The following FSTL5 variants were observed in gnomAD, a reference collection of about 807,000 sequenced individuals.
The protein encoded by FSTL5 is follistatin-related protein 5.
In FSTL5, 62 loss-of-function variants were observed where a neutral mutation model predicts 89.1. The ratio of observed to expected loss-of-function variants is 0.70; its 90% CI spans 0.57 to 0.86. The LOEUF (loss-of-function observed/expected upper bound fraction) is 0.86. Ranked by LOEUF, FSTL5 falls within the 40% of genes least tolerant of loss-of-function variation. The pLI, the probability that FSTL5 is intolerant of heterozygous loss-of-function variation, is 0.00. For missense variants in FSTL5, 1,057 were observed against 1,001.6 expected (o/e 1.06, Z -0.75); for synonymous variants, 383 against 346.2 (o/e 1.11, Z -1.18).
At chr4:161,441,070 C>T (rs1732745138) in intron 15 of FSTL5, among the ~76,000 whole-genome samples, 1 of 152,056 alleles carries the variant, frequency 6.6e-6, no homozygotes. Flanking sequence ...AGAAACCTTC[C>T]ATATCATCTT....
At chr4:162,136,919 A>C (rs1732542048) in intron 1 of FSTL5, among the ~76,000 whole-genome samples, 1 of 152,106 alleles carries the variant, frequency 6.6e-6, no homozygotes. Context: ...TATTTAACAA[A>C]AATTTCTATT....
chr4:161,995,162 G>A (rs909951619), intron 3 of FSTL5, among the ~76,000 whole-genome samples: 1 of 152,044 alleles, frequency 6.6e-6, no homozygotes, highest in Non-Finnish European at 1.5e-5. Context: ...AGTTTATGGA[G>A]GGGAATGAAA....
chr4:161,502,641 C>T (rs1730336436), intron 11 of FSTL5, among the ~76,000 whole-genome samples: 1 of 151,810 alleles, frequency 6.6e-6, no homozygotes, highest in African/African-American at 2.4e-5. Context: ...TGCGAGTCCT[C>T]CTCATTCATA....
chr4:161,985,248 T>TA (rs1560953030), intron 3 of FSTL5, among the ~76,000 whole-genome samples: 1 of 152,070 alleles, frequency 6.6e-6, no homozygotes, highest in Admixed American at 6.6e-5. Context: ...ATTATAAAAT[T>TA]AAAAAAAGTA....
intron 8 of FSTL5, among the ~76,000 whole-genome samples, chr4:161,583,436 TAGA>T (rs1733501875): frequency 6.6e-6 from 1 of 152,172 alleles, no homozygotes; most frequent in South Asian, 2.1e-4. Context: ...TTTTCTGTGT[TAGA>T]AGAATACACT....
chr4:161,552,062 G>A (rs561588499), intron 8 of FSTL5, among the ~76,000 whole-genome samples: 25 of 151,950 alleles, frequency 1.6e-4, no homozygotes, highest in African/African-American at 5.8e-4. Context: ...CTACAAAATG[G>A]GAGAAAATTT....
chr4:161,996,144 C>A lies in FSTL5; in HGVS notation c.160+37481G>T, dbSNP rs138007471. Among the ~76,000 whole-genome samples, 262 of 152,306 alleles carry A rather than the reference C, an allele frequency of 1.7e-3. 1 individual carries two copies. Among genetic ancestry groups the A allele is most frequent in the African/African-American group, 5.9e-3 (247 of 41,556 alleles). On this transcript the variant is annotated intron_variant, in intron 3 of 15. Coordinates refer to ENST00000306100, the MANE Select transcript of FSTL5 (RefSeq NM_020116.5). ...AATTGTATGAATTAGCTATTACAAT[C>A]TCCATTCTACAACAAGAACTGAAAT... is the stretch of plus-strand genomic sequence containing the variant.
chr4:161,850,913 G>C (rs1182056571), intron 4 of FSTL5, among the ~76,000 whole-genome samples: 3 of 152,136 alleles, frequency 2.0e-5, no homozygotes, highest in Admixed American at 6.6e-5. Flanking sequence ...TGGGAGAAGG[G>C]AGACTATCTG....
chr4:161,920,580 G>A lies in FSTL5; in HGVS notation c.233C>T (p.Thr78Ile). ...KYCGLGRHCV[T>I]SRETGQAECA... ...TTCTGCTTGCCCTGTCTCTCTGCTG[G>A]TAACACAGTGTCTTCCCAAACCACA... The change falls in exon 4 of 16, where the codon ACC becomes ATC. Residue 78 changes from threonine to isoleucine, a missense_variant. Physicochemically the swap from Thr to Ile is moderately conservative, Grantham distance 89. Coordinates refer to ENST00000306100, the MANE Select transcript of FSTL5 (RefSeq NM_020116.5). The A allele has an allele frequency of 6.2e-7, 1 of 1,613,802 alleles. No homozygotes were observed. Among genetic ancestry groups the A allele is most frequent in the East Asian group, 2.2e-5 (1 of 44,840 alleles).
chr4:161,925,741 T>C (rs1251868274), intron 3 of FSTL5, among the ~76,000 whole-genome samples: 4 of 151,894 alleles, frequency 2.6e-5, no homozygotes, highest in Admixed American at 1.3e-4. Flanking sequence ...ATAGAACATA[T>C]TGACTTAGAA....
chr4:161,593,020 T>A (rs1367830892), intron 7 of FSTL5, among the ~76,000 whole-genome samples: 3 of 152,274 alleles, frequency 2.0e-5, no homozygotes, highest in South Asian at 2.1e-4. Context: ...AGGATTTACC[T>A]TCTAAGAGTT....
At chr4:161,536,816 T>C (rs1397841431) in intron 10 of FSTL5, among the ~76,000 whole-genome samples, 1 of 152,114 alleles carries the variant, frequency 6.6e-6, no homozygotes, top group African/African-American at 2.4e-5. Flanking sequence ...ATTAAGAATA[T>C]AGAGTTGATA....
chr4:161,669,628 C>A (rs770092901), intron 6 of FSTL5, among the ~76,000 whole-genome samples: 1 of 151,988 alleles, frequency 6.6e-6, no homozygotes, highest in Non-Finnish European at 1.5e-5. Flanking sequence ...CCTACACATT[C>A]AGAGAAACTA....
intron 3 of FSTL5, among the ~76,000 whole-genome samples, chr4:161,947,729 T>C (rs1349156664): frequency 2.6e-5 from 4 of 152,158 alleles, no homozygotes; most frequent in African/African-American, 9.7e-5. Flanking sequence ...TTTCCACGTT[T>C]TTTAGAATCA....
intron 14 of FSTL5, among the ~76,000 whole-genome samples, chr4:161,458,577 A>C (rs1186566411): frequency 6.6e-6 from 1 of 152,200 alleles, no homozygotes; most frequent in African/African-American, 2.4e-5. Context: ...GCAGTAGCAA[A>C]ATCGCAAAGC....
chr4:161,741,316 C>T lies in FSTL5; in HGVS notation c.727+18095G>A, dbSNP rs114917292. ...TAGGTCAAATGTAATCCTAAGTGTC[C>T]TTACAAGTGAAAGAGGGCAGCAGAA... On this transcript the variant is annotated intron_variant, in intron 6 of 15. Coordinates refer to ENST00000306100, the MANE Select transcript of FSTL5 (RefSeq NM_020116.5). Among the ~76,000 whole-genome samples, 966 of 152,196 alleles carry T rather than the reference C, an allele frequency of 6.3e-3. 3 individuals are homozygous for T. Among genetic ancestry groups the T allele is most frequent in the Non-Finnish European group, 7.2e-3 (492 of 68,018 alleles).
chr4:161,692,244 A>C (rs1331039708), intron 6 of FSTL5, among the ~76,000 whole-genome samples: 1 of 151,962 alleles, frequency 6.6e-6, no homozygotes, highest in Non-Finnish European at 1.5e-5. Context: ...CACATTAAGG[A>C]AGCTATCATT....
At chr4:161,873,796 GAAAATA>G (rs1481366889) in intron 4 of FSTL5, among the ~76,000 whole-genome samples, 1 of 150,422 alleles carries the variant, frequency 6.6e-6, no homozygotes, top group African/African-American at 2.4e-5. Flanking sequence ...TAACTTTATG[GAAAATA>G]AATCATACCA....
chr4:161,458,376 T>C (rs1733439210), intron 14 of FSTL5, among the ~76,000 whole-genome samples: 1 of 152,248 alleles, frequency 6.6e-6, no homozygotes, highest in Non-Finnish European at 1.5e-5. Flanking sequence ...ATGCTAGCTA[T>C]ATTAAAATAT....
Sources: allele counts gnomAD v4.1 joint callset (sites outside exome capture counted in the v4.1 genomes callset), GRCh38; gene constraint gnomAD v4.1.1; transcripts MANE v1.5; gene names NCBI Gene and HGNC (gene_info 2026-07-23, HGNC 2026-07-21).